Variants in SPTB observed in about 807,000 individuals in gnomAD.
The protein encoded by SPTB is spectrin beta chain, erythrocytic.
In SPTB, 45 loss-of-function variants were observed where a neutral mutation model predicts 256.2. That is an observed-to-expected ratio of 0.18 (90% CI 0.14 to 0.23). The LOEUF (loss-of-function observed/expected upper bound fraction) is 0.23. Ranked by LOEUF, SPTB falls within the 10% of genes least tolerant of loss-of-function variation. The probability of loss-of-function intolerance (pLI) is 1.00; values close to 1 mark genes in which losing one functional copy is unlikely to be tolerated. For missense variants in SPTB, 2,715 were observed against 3,040.4 expected (o/e 0.89, Z 2.52); for synonymous variants, 1,231 against 1,243.1 (o/e 0.99, Z 0.21).
Position 64,749,599 on chromosome 14 carries a change from G to A in SPTB, c.6819+55C>T, listed in dbSNP as rs1465533203. ...GGGGCCTCCAGGGCAAGCGGCCTGGGGTCCTCCACCTACCCCCTTCTTAGC... is the reference window on the plus strand; with the variant it reads ...GGGGCCTCCAGGGCAAGCGGCCTGGAGTCCTCCACCTACCCCCTTCTTAGC... On this transcript the variant is annotated intron_variant, in intron 35 of 35. Transcript: ENST00000644917. This position sits in a 1 kb window ranked among gnomAD's most constrained non-coding sequence, Gnocchi z 4.7. The A allele has an allele frequency of 9.9e-6, 16 of 1,610,904 alleles. No homozygotes were observed. In the East Asian group the frequency reaches 3.3e-4, roughly 34 times the overall value.
chr14:64,762,702 G>A (rs75846547), intron 32 of SPTB, among the ~76,000 whole-genome samples: 3 of 152,166 alleles, frequency 2.0e-5, no homozygotes, highest in Non-Finnish European at 2.9e-5. Context: ...AAGGCCACGC[G>A]GAAGAATGGC....
intron 2 of SPTB, among the ~76,000 whole-genome samples, chr14:64,813,748 A>T (rs1388840720): frequency 6.6e-6 from 1 of 151,984 alleles, no homozygotes; most frequent in Non-Finnish European, 1.5e-5. Flanking sequence ...CTGGCCTCAA[A>T]CTCTTGACCT....
chr14:64,757,512 C>A (rs2082031821), intron 32 of SPTB: 1 of 152,238 alleles, frequency 6.6e-6, no homozygotes, highest in South Asian at 2.1e-4. Context: ...GCAAAGATTT[C>A]TTTGGCGTTC....
intron 32 of SPTB, among the ~76,000 whole-genome samples, chr14:64,766,172 ATGTG>A (rs966662193): frequency 8.8e-5 from 11 of 125,432 alleles, no homozygotes; most frequent in South Asian, 2.7e-4. Context: ...GTGTATGTGT[ATGTG>A]TGTGTGTATG....
chr14:64,784,824 A>C (rs1377349557), intron 18 of SPTB, among the ~76,000 whole-genome samples: 6 of 152,236 alleles, frequency 3.9e-5, no homozygotes, highest in Admixed American at 2.6e-4. Context: ...CAATGAAAAC[A>C]AAGTTGTCTG....
chr14:64,752,721 C>T (rs2081969685), intron 33 of SPTB, among the ~76,000 whole-genome samples: 1 of 152,184 alleles, frequency 6.6e-6, no homozygotes, highest in Non-Finnish European at 1.5e-5. Context: ...CAATTGGGCC[C>T]CCAAATGGTT....
intron 1 of SPTB, among the ~76,000 whole-genome samples, chr14:64,861,550 G>A (rs1405268441): frequency 6.6e-6 from 1 of 152,146 alleles, no homozygotes; most frequent in Non-Finnish European, 1.5e-5. Context: ...GAGATTTCCA[G>A]CATCTACCAA....
In SPTB at chr14:64,785,131, T is replaced by C. The variant is rs2082541834; in HGVS notation, c.3855+406A>G. 6.6e-6 allele frequency among the ~76,000 whole-genome samples: 1 copy of C among 152,074 alleles called. No homozygotes were observed. Among genetic ancestry groups the C allele is most frequent in the South Asian group, 2.1e-4 (1 of 4,810 alleles). ...ATAATTTGCAGGGCCCAGTACAAAA[T>C]GGAGTTGTTCAAAAGCATGAAGAAT... On this transcript the variant is annotated intron_variant, in intron 18 of 35. Coordinates refer to ENST00000644917, the MANE Select transcript of SPTB (RefSeq NM_001355436.2). The surrounding 1 kb of genome is among the most constrained non-coding windows in gnomAD (Gnocchi z 4.4).
Position 64,772,678 on chromosome 14 carries a change from C to T in SPTB, c.5455G>A (p.Glu1819Lys), listed in dbSNP as rs200386310. 3.2e-5 allele frequency: 52 copies of T among 1,613,552 alleles called. No individual in the cohort carries two copies. Among genetic ancestry groups the T allele is most frequent in the Non-Finnish European group, 3.8e-5 (45 of 1,179,926 alleles). The change falls in exon 26 of 36, where the codon GAG (glutamate) becomes AAG (lysine). Residue 1819 changes from glutamate to lysine, a missense_variant. Transcript: ENST00000644917. The surrounding 1 kb of genome is among the most constrained non-coding windows in gnomAD (Gnocchi z 5.4). The part of the protein sequence containing the change: ...ILGLIDEKHR[E>K]LPEDVGLDAS... Reference sequence around the variant, plus strand: ...TCCAGCCCCACGTCCTCGGGCAGCTCGCGGTGCTTCTCGTCGATGAGGCCC... The same window carrying T: ...TCCAGCCCCACGTCCTCGGGCAGCTTGCGGTGCTTCTCGTCGATGAGGCCC...
intron 2 of SPTB, among the ~76,000 whole-genome samples, chr14:64,822,150 T>C (rs954599574): frequency 1.2e-4 from 18 of 150,464 alleles, no homozygotes; most frequent in Non-Finnish European, 2.2e-4. Flanking sequence ...CTTCCACACA[T>C]ACACACACAA....
Position 64,767,779 on chromosome 14 carries a change from C to T in SPTB, c.6103G>A (p.Gly2035Arg), listed in dbSNP as rs1206516197. The change falls in exon 30 of 36, where the codon GGG becomes AGG. Residue 2035 changes from glycine (G) to arginine (R), a missense_variant. By Grantham distance (125) the Gly-to-Arg change is moderately radical. This residue lies in a region of SPTB where 2,239 missense variants were observed against 2,384.4 expected (regional missense o/e 0.94). Transcript: ENST00000644917. ...LIAQEPYLASGDFGHTVDSVE... is the reference protein window; with the variant it reads ...LIAQEPYLASRDFGHTVDSVE... ...CTGTCCACTGTGTGTCCAAAGTCCC[C>T]GCTGGCCAGGTAGGGCTCCTGGGCA... 1.1e-5 allele frequency: 17 copies of T among 1,614,046 alleles called. No individual in the cohort carries two copies. The highest frequency in any genetic ancestry group is 2.2e-5 in the East Asian group (1 of 44,888).
rs1255193622 is a variant in SPTB at position 64,816,539 on chromosome 14, T to C, written c.148+6408A>G. 1.3e-5 allele frequency among the ~76,000 whole-genome samples: 2 copies of C among 152,172 alleles called. No homozygotes were observed. Among genetic ancestry groups the C allele is most frequent in the African/African-American group, 2.4e-5 (1 of 41,446 alleles). ...CTTTATAGTTCCCAGCAAATCTTCA[T>C]AGCAAATTTGTCATAATTTGCTATG... On this transcript the variant is annotated intron_variant, in intron 2 of 35. Coordinates refer to ENST00000644917, the MANE Select transcript of SPTB (RefSeq NM_001355436.2). The surrounding 1 kb of genome is among the most constrained non-coding windows in gnomAD (Gnocchi z 4.2).
rs1375599490 is a variant in SPTB at position 64,802,819 on chromosome 14, T to A, written c.475-502A>T. 6.6e-6 allele frequency among the ~76,000 whole-genome samples: 1 copy of A among 152,180 alleles called. No individual in the cohort carries two copies. The highest frequency in any genetic ancestry group is 6.5e-5 in the Admixed American group (1 of 15,282). ...TGGCACAGGGATGAGACAGCTGTAA[T>A]TGGATAACTCTAATAGAATGCAGAG... On this transcript the variant is annotated intron_variant, in intron 4 of 35. Transcript: ENST00000644917. The surrounding 1 kb of genome is among the most constrained non-coding windows in gnomAD (Gnocchi z 5.1).
chr14:64,792,665 C>G lies in SPTB; in HGVS notation c.2666+332G>C, dbSNP rs1447202055. Among the ~76,000 whole-genome samples, 1 of 152,222 alleles carries G rather than the reference C, an allele frequency of 6.6e-6. No individual in the cohort carries two copies. Among genetic ancestry groups the G allele is most frequent in the Non-Finnish European group, 1.5e-5 (1 of 68,040 alleles). On this transcript the variant is annotated intron_variant, in intron 14 of 35. Transcript: ENST00000644917. This position sits in a 1 kb window ranked among gnomAD's most constrained non-coding sequence, Gnocchi z 4.2. ...AGGGTCCTGGCCTCTCAACCTCCTT[C>G]TCCAGAGTAGCTCCATTTTTCCTCT...
Position 64,806,130 on chromosome 14 carries a change from C to A in SPTB, c.149-1040G>T, listed in dbSNP as rs200770979. On this transcript the variant is annotated intron_variant, in intron 2 of 35. Coordinates refer to ENST00000644917, the MANE Select transcript of SPTB (RefSeq NM_001355436.2). The surrounding 1 kb of genome is among the most constrained non-coding windows in gnomAD (Gnocchi z 4.1). ...GAGAGGACAGAAGACTGGGATGGCA[C>A]AAAAAAAAGAGAGAGAAAAGGATAG... 1.3e-3 allele frequency among the ~76,000 whole-genome samples: 179 copies of A among 142,440 alleles called. No homozygotes were observed. The highest frequency in any genetic ancestry group is 3.5e-3 in the Middle Eastern group (1 of 282). The allele number at this position is 142,440 out of a possible 152,430, so 93.4% of individuals were successfully genotyped here.
chr14:64,753,976 T>C (rs375714437), intron 32 of SPTB, 183 bp from the exon 33 acceptor site: 5 of 756,464 alleles, frequency 6.6e-6, no homozygotes, highest in South Asian at 1.6e-5. Context: ...CCCTTGCTTC[T>C]CTACTCTGCC....
Position 64,826,734 on chromosome 14 carries a change from C to T in SPTB, c.-51-3589G>A, listed in dbSNP as rs1053127220. ...GGTGGGTCTTCTCTGGTCTCCGTGA[C>T]TCTGTGCCCAGAGAGGTCCACCTGC... On this transcript the variant is annotated intron_variant, in intron 1 of 35. Coordinates refer to ENST00000644917, the MANE Select transcript of SPTB (RefSeq NM_001355436.2). The surrounding 1 kb of genome is among the most constrained non-coding windows in gnomAD (Gnocchi z 4.4). Among the ~76,000 whole-genome samples, 26 of 152,292 alleles carry T rather than the reference C, an allele frequency of 1.7e-4. No homozygotes were observed. Among genetic ancestry groups the T allele is most frequent in the African/African-American group, 6.3e-4 (26 of 41,570 alleles).
At chr14:64,851,409 G>A (rs2083783237) in intron 1 of SPTB, among the ~76,000 whole-genome samples, 1 of 152,104 alleles carries the variant, frequency 6.6e-6, no homozygotes, top group South Asian at 2.1e-4. Context: ...AAAATACCCA[G>A]AACAATGCCT....
At chr14:64,770,433 A>G (rs2082261916) in intron 27 of SPTB, among the ~76,000 whole-genome samples, 1 of 152,178 alleles carries the variant, frequency 6.6e-6, no homozygotes, top group Non-Finnish European at 1.5e-5. Context: ...GAGTGGTCTG[A>G]TCTCTGCAGG....
Sources: allele counts gnomAD v4.1 joint callset (sites outside exome capture counted in the v4.1 genomes callset), GRCh38; gene constraint gnomAD v4.1.1; regional missense constraint gnomAD v4.1.1; non-coding constraint Gnocchi (gnomAD v3.1); transcripts MANE v1.5; gene names NCBI Gene and HGNC (gene_info 2026-07-23, HGNC 2026-07-21).